Variants in SGCZ observed in about 807,000 individuals in gnomAD.
SGCZ encodes sarcoglycan zeta.
A neutral mutation model predicts 41.3 loss-of-function variants in SGCZ; 40 were observed. That is an observed-to-expected ratio of 0.97 (90% CI 0.75 to 1.26). The LOEUF is 1.26. Ranked by LOEUF, SGCZ falls within the 50% of genes most tolerant of loss-of-function variation. The pLI is 0.00. For missense variants in SGCZ, 552 were observed against 369.8 expected (o/e 1.49, Z -4.04); for synonymous variants, 206 against 137.5 (o/e 1.50, Z -3.49).
chr8:14,948,967 CCTCT>C (rs1161125100), intron 1 of SGCZ, among the ~76,000 whole-genome samples: 1 of 151,312 alleles, frequency 6.6e-6, no homozygotes, highest in Non-Finnish European at 1.5e-5. Flanking sequence ...TTCTCTTTTC[CCTCT>C]GATTTCCCCT....
intron 1 of SGCZ, among the ~76,000 whole-genome samples, chr8:14,814,353 G>A (rs1046916809): frequency 3.3e-5 from 5 of 152,160 alleles, no homozygotes; most frequent in East Asian, 3.9e-4. Flanking sequence ...TTTCCTAAGC[G>A]TGGAGAGGAG....
chr8:14,244,146 TTCCTCCTCCTCTTCCTTC>T (rs1798992299), intron 3 of SGCZ, among the ~76,000 whole-genome samples: 8 of 574 alleles, frequency 0.014, no homozygotes, highest in Non-Finnish European at 0.027. Flanking sequence ...TTCTTCCTTC[TTCCTCCTCCTCTTCCTTC>T]TTCCTCCTCC....
chr8:14,456,931 T>C (rs558110103), intron 2 of SGCZ, among the ~76,000 whole-genome samples: 2 of 152,272 alleles, frequency 1.3e-5, no homozygotes, highest in African/African-American at 2.4e-5. Flanking sequence ...CAGTGTCACA[T>C]GGCTGTTCTC....
intron 1 of SGCZ, among the ~76,000 whole-genome samples, chr8:14,685,065 T>G (rs1344343720): frequency 6.6e-6 from 1 of 150,806 alleles, no homozygotes; most frequent in Non-Finnish European, 1.5e-5. Context: ...CTTCAGCCTC[T>G]TGACTGTACC....
intron 1 of SGCZ, among the ~76,000 whole-genome samples, chr8:14,602,441 T>C (rs1473182646): frequency 1.3e-5 from 2 of 151,658 alleles, no homozygotes; most frequent in Non-Finnish European, 2.9e-5. Context: ...TGGGAGGTAA[T>C]TGGGAGGCTG....
intron 2 of SGCZ, among the ~76,000 whole-genome samples, chr8:14,431,864 C>G (rs556821718): frequency 3.3e-5 from 5 of 152,168 alleles, no homozygotes; most frequent in African/African-American, 1.2e-4. Flanking sequence ...AAAAAGTGGG[C>G]TAAGGATATG....
At chr8:15,178,111 T>A (rs12674622) in intron 1 of SGCZ, among the ~76,000 whole-genome samples, 85 of 152,108 alleles carry the variant, frequency 5.6e-4, no homozygotes, top group Non-Finnish European at 1.0e-3. Flanking sequence ...CTCCTGAGCC[T>A]GGAGGAATCA....
intron 5 of SGCZ, among the ~76,000 whole-genome samples, chr8:14,122,112 C>T (rs559524932): frequency 2.6e-5 from 4 of 152,216 alleles, no homozygotes; most frequent in Non-Finnish European, 5.9e-5. Flanking sequence ...CCGGTCTCTA[C>T]TAAAAATACA....
chr8:15,237,256 C>G (rs911891895), intron 1 of SGCZ, among the ~76,000 whole-genome samples: 2 of 151,986 alleles, frequency 1.3e-5, no homozygotes, highest in African/African-American at 4.8e-5. Context: ...GCCGCTGCCC[C>G]CCCCGGGGAG....
intron 2 of SGCZ, among the ~76,000 whole-genome samples, chr8:14,523,920 C>G (rs1449788845): frequency 2.0e-5 from 3 of 151,962 alleles, no homozygotes; most frequent in African/African-American, 7.2e-5. Flanking sequence ...TAATTTCTGT[C>G]TTTGAGTTTA....
At chr8:14,714,572 A>T (rs1809627664) in intron 1 of SGCZ, among the ~76,000 whole-genome samples, 1 of 152,182 alleles carries the variant, frequency 6.6e-6, no homozygotes. Flanking sequence ...TGTCTTAGCC[A>T]ATAATAATGT....
chr8:14,659,359 T>A (rs1807675636), intron 1 of SGCZ, among the ~76,000 whole-genome samples: 1 of 152,210 alleles, frequency 6.6e-6, no homozygotes, highest in Non-Finnish European at 1.5e-5. Context: ...CATAAGCATG[T>A]ACAATTATTT....
intron 1 of SGCZ, among the ~76,000 whole-genome samples, chr8:14,961,778 C>G (rs1182266808): frequency 6.6e-6 from 1 of 152,036 alleles, no homozygotes; most frequent in Non-Finnish European, 1.5e-5. Flanking sequence ...AGGGATACAT[C>G]AGAACCCCAC....
At chr8:14,939,731 A>G (rs1231717806) in intron 1 of SGCZ, among the ~76,000 whole-genome samples, 1 of 152,142 alleles carries the variant, frequency 6.6e-6, no homozygotes, top group Non-Finnish European at 1.5e-5. Flanking sequence ...GCAAACATAG[A>G]AACTCCCAGG....
chr8:14,833,757 A>G (rs1802607022), intron 1 of SGCZ, among the ~76,000 whole-genome samples: 2 of 152,254 alleles, frequency 1.3e-5, no homozygotes, highest in African/African-American at 4.8e-5. Context: ...GGAAACTTCA[A>G]AGAAGAAAGA....
chr8:14,101,777 A>G (rs1270605037), intron 7 of SGCZ, among the ~76,000 whole-genome samples: 1 of 137,744 alleles, frequency 7.3e-6, no homozygotes, highest in African/African-American at 3.0e-5. Flanking sequence ...AACAAGAATT[A>G]AAAAAAAAAA....
chr8:14,665,401 C>G (rs377636453), intron 1 of SGCZ, among the ~76,000 whole-genome samples: 4 of 152,242 alleles, frequency 2.6e-5, no homozygotes, highest in African/African-American at 4.8e-5. Context: ...TCGTCTTAAT[C>G]CAGTCTATCA....
At chr8:14,518,888 C>T (rs553488814) in intron 2 of SGCZ, among the ~76,000 whole-genome samples, 2 of 100,718 alleles carry the variant, frequency 2.0e-5, no homozygotes, top group East Asian at 2.8e-4. Flanking sequence ...GAAACCCCAT[C>T]TCTACCAAAA....
At chr8:14,120,134 T>G (rs768833678) in intron 5 of SGCZ, among the ~76,000 whole-genome samples, 10 of 152,152 alleles carry the variant, frequency 6.6e-5, no homozygotes, top group Non-Finnish European at 1.0e-4. Context: ...AAAAAGGTAT[T>G]ATCATATGGA....
Sources: gnomAD v4.1 joint callset for allele counts (sites outside exome capture counted in the v4.1 genomes callset) on GRCh38, gnomAD v4.1.1 for gene constraint, MANE v1.5 for transcripts, NCBI Gene and HGNC (gene_info 2026-07-23, HGNC 2026-07-21) for gene names.